The following THSD7B variants were observed in gnomAD, a reference collection of about 807,000 sequenced individuals.
THSD7B encodes thrombospondin type 1 domain containing 7B, also known as thrombospondin type-1 domain-containing protein 7B.
In THSD7B, 138 loss-of-function variants were observed where a neutral mutation model predicts 213.6. The ratio of observed to expected loss-of-function variants is 0.65; its 90% CI spans 0.56 to 0.74. THSD7B has a LOEUF of 0.74. Ranked by LOEUF, THSD7B falls within the 30% of genes least tolerant of loss-of-function variation. THSD7B has a pLI of 0.00. For missense variants in THSD7B, 1,931 were observed against 1,991.5 expected (o/e 0.97, Z 0.58); for synonymous variants, 742 against 687.0 (o/e 1.08, Z -1.25).
intron 2 of THSD7B, among the ~76,000 whole-genome samples, chr2:137,045,161 A>ATACCTCAT (rs1234772974): frequency 2.0e-5 from 3 of 152,148 alleles, no homozygotes; most frequent in Admixed American, 2.0e-4. Context: ...GGTAGATCTT[A>ATACCTCAT]ATAACCTCAA....
intron 10 of THSD7B, among the ~76,000 whole-genome samples, chr2:137,247,844 T>C (rs1017333622): frequency 2.6e-5 from 4 of 152,162 alleles, no homozygotes; most frequent in African/African-American, 9.7e-5. Context: ...TTGATTCAAA[T>C]CTCATCTCTG....
intron 2 of THSD7B, among the ~76,000 whole-genome samples, chr2:136,995,160 A>G (rs1002555363): frequency 1.4e-4 from 21 of 152,202 alleles, no homozygotes; most frequent in African/African-American, 4.8e-4. Context: ...CCAGGACTCT[A>G]TGGCTAAGAA....
chr2:137,419,736 C>A (rs2105024522), intron 14 of THSD7B, among the ~76,000 whole-genome samples: 1 of 152,010 alleles, frequency 6.6e-6, no homozygotes, highest in South Asian at 2.1e-4. Flanking sequence ...GGTTCTCAAT[C>A]TGGTCCGAGA....
intron 15 of THSD7B, among the ~76,000 whole-genome samples, chr2:137,554,143 T>A (rs1680904346): frequency 6.6e-6 from 1 of 152,190 alleles, no homozygotes; most frequent in Admixed American, 6.5e-5. Context: ...TTTTTGTTCC[T>A]TCTAATCATC....
chr2:137,308,498 T>C (rs1208301457), intron 12 of THSD7B, among the ~76,000 whole-genome samples: 1 of 151,990 alleles, frequency 6.6e-6, no homozygotes, highest in Non-Finnish European at 1.5e-5. Flanking sequence ...TCGTTACCCA[T>C]TGTAGATATA....
At position 136,905,030 on chromosome 2, in the gene THSD7B, C is replaced by T. The variant is rs539988309; in HGVS notation, c.139+22713C>T. On this transcript the variant is annotated intron_variant, in intron 2 of 27. Coordinates refer to ENST00000409968, the MANE Select transcript of THSD7B (RefSeq NM_001316349.2). ...TACTTCCTTGGCTTTCACCTTCACACTTACTGTGTAATGCGATCCTCATGG... is the reference window on the plus strand; with the variant it reads ...TACTTCCTTGGCTTTCACCTTCACATTTACTGTGTAATGCGATCCTCATGG... Among the ~76,000 whole-genome samples, 8 of 152,340 alleles carry T rather than the reference C, an allele frequency of 5.3e-5. No individual in the cohort carries two copies. In the South Asian group the frequency reaches 1.7e-3, roughly 32 times the overall value.
At chr2:137,031,541 G>A (rs917250810) in intron 2 of THSD7B, among the ~76,000 whole-genome samples, 1 of 151,950 alleles carries the variant, frequency 6.6e-6, no homozygotes, top group Non-Finnish European at 1.5e-5. Flanking sequence ...TTTGTTCATC[G>A]GTACATATCT....
intron 26 of THSD7B, among the ~76,000 whole-genome samples, chr2:137,664,024 T>C (rs1429458382): frequency 6.6e-6 from 1 of 152,030 alleles, no homozygotes. Context: ...ACTAATTTTT[T>C]TGTATTTTTA....
intron 17 of THSD7B, among the ~76,000 whole-genome samples, chr2:137,601,776 A>C (rs1573736743): frequency 6.6e-6 from 1 of 152,342 alleles, no homozygotes; most frequent in Admixed American, 6.5e-5. Flanking sequence ...CCTCTTTATT[A>C]GTGAAGAAAG....
chr2:136,998,401 A>G (rs940992304), intron 2 of THSD7B, among the ~76,000 whole-genome samples: 32 of 152,174 alleles, frequency 2.1e-4, no homozygotes, highest in African/African-American at 7.2e-4. Context: ...TGCAACACGT[A>G]TAAATTTCAA....
intron 7 of THSD7B, among the ~76,000 whole-genome samples, chr2:137,218,632 G>T (rs1395283306): frequency 6.6e-6 from 1 of 152,058 alleles, no homozygotes; most frequent in African/African-American, 2.4e-5. Flanking sequence ...GGAAATTACA[G>T]TAGAAATCTA....
intron 17 of THSD7B, among the ~76,000 whole-genome samples, chr2:137,581,777 A>T (rs887179584): frequency 8.1e-5 from 12 of 147,536 alleles, no homozygotes; most frequent in South Asian, 4.2e-4. Context: ...AAAATAAAAA[A>T]AAAAAAAATA....
intron 1 of THSD7B, among the ~76,000 whole-genome samples, chr2:136,875,753 T>A (rs891413453): frequency 6.6e-6 from 1 of 152,134 alleles, no homozygotes; most frequent in South Asian, 2.1e-4. Context: ...AATACAGTGT[T>A]CTAGACTGCT....
chr2:137,659,573 G>C (rs574336981), intron 24 of THSD7B, 91 bp from the exon 25 acceptor site: 2 of 1,151,804 alleles, frequency 1.7e-6, no homozygotes, highest in South Asian at 3.1e-5. Context: ...CTGTTGCAAA[G>C]AGGCCGGTGG....
intron 17 of THSD7B, among the ~76,000 whole-genome samples, chr2:137,588,481 G>GT (rs151038727): frequency 0.079 from 10,794 of 136,246 alleles, 475 homozygotes; most frequent in Non-Finnish European, 0.1. Flanking sequence ...ATTTTTCAGT[G>GT]TTTTTTTTTT....
chr2:136,947,580 A>G (rs749913733), intron 2 of THSD7B, among the ~76,000 whole-genome samples: 26 of 152,164 alleles, frequency 1.7e-4, no homozygotes, highest in Non-Finnish European at 1.5e-5. Flanking sequence ...TTCTATTTGA[A>G]GATTATTTTG....
At chr2:136,892,435 A>G (rs1683878002) in intron 2 of THSD7B, among the ~76,000 whole-genome samples, 1 of 152,046 alleles carries the variant, frequency 6.6e-6, no homozygotes, top group South Asian at 2.1e-4. Flanking sequence ...TAATAAATGC[A>G]TAATTTTTAG....
intron 14 of THSD7B, among the ~76,000 whole-genome samples, chr2:137,431,262 A>G (rs1687180902): frequency 6.6e-6 from 1 of 152,192 alleles, no homozygotes; most frequent in South Asian, 2.1e-4. Context: ...TAAACATTTT[A>G]TGGTTGACAC....
At chr2:137,219,717 T>G (rs1681324503) in intron 7 of THSD7B, among the ~76,000 whole-genome samples, 1 of 152,294 alleles carries the variant, frequency 6.6e-6, no homozygotes, top group South Asian at 2.1e-4. Context: ...TTCCCTTTAC[T>G]TCTCATTTAC....
Sources: gnomAD v4.1 joint callset for allele counts (sites outside exome capture counted in the v4.1 genomes callset) on GRCh38, gnomAD v4.1.1 for gene constraint, MANE v1.5 for transcripts, NCBI Gene and HGNC (gene_info 2026-07-23, HGNC 2026-07-21) for gene names.